Variants in STRN observed in about 807,000 individuals in gnomAD.
STRN encodes the protein protein phosphatase 2 regulatory subunit B'''alpha.
In STRN, 53 loss-of-function variants were observed where a neutral mutation model predicts 96.3. The ratio of observed to expected loss-of-function variants is 0.55; its 90% CI spans 0.44 to 0.69. The LOEUF (loss-of-function observed/expected upper bound fraction) is 0.69, where lower values mean the gene tolerates loss of function less well. STRN is among the 30% of genes least tolerant of loss of function. The pLI is 0.00. For missense variants in STRN, 987 were observed against 963.9 expected, an observed-to-expected ratio of 1.02 and a Z score of -0.32; for synonymous variants, 428 against 355.9, an observed-to-expected ratio of 1.20 and a Z score of -2.28.
chr2:36,867,041 A>T (rs1317370863), intron 12 of STRN, among the ~76,000 whole-genome samples: 1 of 152,156 alleles, frequency 6.6e-6, no homozygotes, highest in Non-Finnish European at 1.5e-5. Context: ...GTTAACACTG[A>T]TATGTGCCCA....
At chr2:36,949,187 G>A (rs962478947) in intron 1 of STRN, among the ~76,000 whole-genome samples, 12 of 152,154 alleles carry the variant, frequency 7.9e-5, no homozygotes, top group African/African-American at 2.9e-4. Context: ...TGCAGCCTAG[G>A]AGCAATAGGC....
chr2:36,916,224 C>A, intron 2 of STRN, 73 bp from the exon 3 acceptor site: 1 of 1,310,366 alleles, frequency 7.6e-7, no homozygotes, highest in Non-Finnish European at 1.1e-6. Flanking sequence ...GTAGTAGTCA[C>A]AAGAATTCAG....
intron 1 of STRN, among the ~76,000 whole-genome samples, chr2:36,938,969 G>GTT (rs879423060): frequency 6.8e-6 from 1 of 146,648 alleles, no homozygotes; most frequent in African/African-American, 2.5e-5. Context: ...AGTGTGTCAA[G>GTT]TTTTTTTTTT....
chr2:36,893,774 G>A, intron 7 of STRN, 124 bp downstream of exon 7: 3 of 1,162,588 alleles, frequency 2.6e-6, no homozygotes, highest in South Asian at 1.7e-5. Flanking sequence ...AAGGGTGCTA[G>A]TAGTAATAAG....
At chr2:36,901,929 C>T (rs1307543243) in intron 5 of STRN, among the ~76,000 whole-genome samples, 2 of 152,108 alleles carry the variant, frequency 1.3e-5, no homozygotes, top group Admixed American at 6.5e-5. Context: ...AAATAAAAGT[C>T]ATACTTAAAC....
intron 6 of STRN, among the ~76,000 whole-genome samples, chr2:36,897,111 C>T (rs1669561237): frequency 6.6e-6 from 1 of 151,414 alleles, no homozygotes; most frequent in Admixed American, 6.6e-5. Flanking sequence ...AGGTTGCAGT[C>T]AGCTGAGATT....
chr2:36,965,217 A>T (rs1314905820), intron 1 of STRN, among the ~76,000 whole-genome samples: 1 of 152,232 alleles, frequency 6.6e-6, no homozygotes, highest in African/African-American at 2.4e-5. Context: ...CAAATTTCAT[A>T]AGTATACAGG....
At chr2:36,876,520 CATT>C (rs1406361289) in intron 10 of STRN, among the ~76,000 whole-genome samples, 1 of 151,948 alleles carries the variant, frequency 6.6e-6, no homozygotes. Flanking sequence ...GAGTGGTAAG[CATT>C]ATTCTTTGGA....
intron 7 of STRN, 77 bp from the exon 8 acceptor site, chr2:36,886,903 G>GT: frequency 1.8e-6 from 2 of 1,109,796 alleles, no homozygotes; most frequent in Admixed American, 2.5e-5. Flanking sequence ...TCTGAATGAC[G>GT]TAACAACCAC....
At position 36,846,403 on chromosome 2, in the gene STRN, A is replaced by ATATATATATATAGTT. The variant is rs1340216331; in HGVS notation, c.*3052_*3053insAACTATATATATATA. ...ACCTATGGTTTATATATATATATAT[A>ATATATATATATAGTT]TATATATATATATATATATATATAT... On this transcript the variant is annotated 3_prime_UTR_variant, in exon 18 of 18. Coordinates refer to ENST00000263918, the MANE Select transcript of STRN (RefSeq NM_003162.4). 32 of 117,020 alleles carry ATATATATATATAGTT rather than the reference A, an allele frequency of 2.7e-4. 1 individual carries two copies. The highest frequency in any genetic ancestry group is 2.4e-4 in the Non-Finnish European group (13 of 54,012). The allele number at this position is 117,020 out of a possible 1,614,324, so 7.2% of individuals were successfully genotyped here.
At chr2:36,891,577 C>T (rs138321341) in intron 7 of STRN, among the ~76,000 whole-genome samples, 2,064 of 152,076 alleles carry the variant, frequency 0.014, 44 homozygotes, top group African/African-American at 0.047. Context: ...ATAAGTAAGG[C>T]GGGGTTGAGT....
At chr2:36,875,093 A>G (rs1054834844) in intron 10 of STRN, among the ~76,000 whole-genome samples, 2 of 152,212 alleles carry the variant, frequency 1.3e-5, no homozygotes, top group East Asian at 1.9e-4. Context: ...TAAAAGCATT[A>G]TAAGGTCTTT....
At chr2:36,963,306 A>G (rs894792798) in intron 1 of STRN, among the ~76,000 whole-genome samples, 1 of 152,112 alleles carries the variant, frequency 6.6e-6, no homozygotes, top group Non-Finnish European at 1.5e-5. Flanking sequence ...GGCAAATTTG[A>G]CTTCATCTTA....
intron 1 of STRN, among the ~76,000 whole-genome samples, chr2:36,935,113 T>A (rs940852996): frequency 6.6e-6 from 1 of 152,136 alleles, no homozygotes; most frequent in Admixed American, 6.5e-5. Flanking sequence ...TTTATATTTT[T>A]AAAAAAATAA....
chr2:36,944,471 A>C (rs1413227616), intron 1 of STRN, among the ~76,000 whole-genome samples: 1 of 152,124 alleles, frequency 6.6e-6, no homozygotes, highest in African/African-American at 2.4e-5. Context: ...ATATCCTTTA[A>C]AAATTAAATC....
intron 1 of STRN, among the ~76,000 whole-genome samples, chr2:36,953,161 T>A (rs550891079): frequency 1.3e-5 from 2 of 152,316 alleles, no homozygotes; most frequent in Admixed American, 1.3e-4. Flanking sequence ...TGGTGAGTGA[T>A]GCATATTTGC....
chr2:36,901,196 A>G (rs1400132873), intron 5 of STRN, among the ~76,000 whole-genome samples: 2 of 152,164 alleles, frequency 1.3e-5, no homozygotes, highest in Non-Finnish European at 2.9e-5. Context: ...AACACACAAG[A>G]GTGGTCTTCC....
At chr2:36,913,837 C>G (rs974626514) in intron 3 of STRN, among the ~76,000 whole-genome samples, 3 of 152,138 alleles carry the variant, frequency 2.0e-5, no homozygotes, top group African/African-American at 7.2e-5. Context: ...AGAGTATTTC[C>G]TAGTTTACAG....
chr2:36,938,327 G>C (rs542713131), intron 1 of STRN, among the ~76,000 whole-genome samples: 1 of 151,994 alleles, frequency 6.6e-6, no homozygotes, highest in Non-Finnish European at 1.5e-5. Context: ...TTGGGAGGCT[G>C]AGGCACAAGA....
Sources: gnomAD v4.1 joint callset for allele counts (sites outside exome capture counted in the v4.1 genomes callset) on GRCh38, gnomAD v4.1.1 for gene constraint, MANE v1.5 for transcripts, NCBI Gene and HGNC (gene_info 2026-07-23, HGNC 2026-07-21) for gene names.